REV3L: variants seen among roughly 807,000 people sequenced by gnomAD.
The protein encoded by REV3L is DNA polymerase zeta catalytic subunit.
Under a neutral mutation model 299.4 loss-of-function variants are expected in REV3L, and 69 were observed. The observed-to-expected ratio is 0.23, with a 90% confidence interval of 0.19 to 0.28. REV3L has a LOEUF of 0.28. Among genes scored for constraint, REV3L ranks in the 10% least tolerant of loss-of-function variants. The pLI, the probability that REV3L is intolerant of heterozygous loss-of-function variation, is 1.00. For synonymous variants in REV3L, 1,238 were observed against 1,271.4 expected (o/e 0.97, Z 0.56); for missense variants, 3,128 against 3,693.8 (o/e 0.85, Z 3.97).
intron 16 of REV3L, among the ~76,000 whole-genome samples, chr6:111,361,105 C>A (rs543006128): frequency 6.6e-6 from 1 of 151,826 alleles, no homozygotes; most frequent in Non-Finnish European, 1.5e-5. Context: ...CATATGAGGC[C>A]GGGCACGGTG....
intron 1 of REV3L, among the ~76,000 whole-genome samples, chr6:111,421,858 G>C (rs1241211380): frequency 1.3e-5 from 2 of 152,094 alleles, no homozygotes; most frequent in African/African-American, 4.8e-5. Flanking sequence ...AACATCTCAA[G>C]TTTTATATCA....
intron 26 of REV3L, among the ~76,000 whole-genome samples, chr6:111,317,657 T>G (rs559356419): frequency 6.6e-6 from 1 of 152,248 alleles, no homozygotes; most frequent in East Asian, 1.9e-4. Flanking sequence ...GTTATATAGG[T>G]TTTTTCCAAG....
Position 111,468,348 on chromosome 6 carries a change from A to C in REV3L, c.139+14402T>G, listed in dbSNP as rs1249872742. Among the ~76,000 whole-genome samples, 6 of 152,212 alleles carry C rather than the reference A, an allele frequency of 3.9e-5. No homozygotes were observed. In the East Asian group the frequency reaches 1.2e-3, roughly 29 times the overall value. The stretch of plus-strand genomic sequence containing the variant: ...TAAATAAAAAGTAATCTACCATAAG[A>C]ACTAACGGAGGAAAACATTTGGAAC... On this transcript the variant is annotated intron_variant, in intron 1 of 31. Coordinates refer to ENST00000368802, the MANE Select transcript of REV3L (RefSeq NM_001372078.1).
chr6:111,482,709 C>G (rs778563058), intron 1 of REV3L, 41 bp downstream of exon 1: 1 of 1,201,662 alleles, frequency 8.3e-7, no homozygotes, highest in South Asian at 3.4e-5. Context: ...CCCGGCGCCC[C>G]GCCGACTCCC....
Position 111,349,275 on chromosome 6 carries a change from A to T in REV3L, c.7362T>A (p.Ser2454Arg). 6.2e-7 allele frequency: 1 copy of T among 1,607,694 alleles called. No individual in the cohort carries two copies. Among genetic ancestry groups the T allele is most frequent in the Non-Finnish European group, 8.5e-7 (1 of 1,175,638 alleles). The change falls in exon 20 of 32, where the codon AGT becomes AGA. Residue 2454 changes from serine to arginine, a missense_variant. Ser to Arg is a moderately radical substitution (Grantham distance 110). Transcript: ENST00000368802. ...TAATTCGGCCAACAATATTTATCTCACTCATTGTATATGATCCATACTCAT... is the reference window on the plus strand; with the variant it reads ...TAATTCGGCCAACAATATTTATCTCTCTCATTGTATATGATCCATACTCAT... ...ERDEYGSYTMSEINIVGRITL... is the reference protein window; with the variant it reads ...ERDEYGSYTMREINIVGRITL...
chr6:111,328,036 T>TA (rs1367951891), intron 25 of REV3L, among the ~76,000 whole-genome samples: 2 of 152,198 alleles, frequency 1.3e-5, no homozygotes, highest in African/African-American at 4.8e-5. Flanking sequence ...TATAACAAGT[T>TA]ACTCTGTTCT....
chr6:111,376,410 T>C lies in REV3L; in HGVS notation c.1945A>G (p.Ile649Val). The change falls in exon 13 of 32, where the codon ATC (isoleucine) becomes GTC (valine). Residue 649 changes from isoleucine to valine, a missense_variant. This residue lies in a region of REV3L where 2,409 missense variants were observed against 2,611.8 expected (regional missense o/e 0.92). Coordinates refer to ENST00000368802, the MANE Select transcript of REV3L (RefSeq NM_001372078.1). Reference sequence around the variant, plus strand: ...CTTTCACAGGAAGATACTGGGAGGATCTCTTTCTTACTATTCTCTTTATGA... The same window carrying C: ...CTTTCACAGGAAGATACTGGGAGGACCTCTTTCTTACTATTCTCTTTATGA... ...NSHKENSKKE[I>V]LPVSSCESSI... 2 of 1,613,674 alleles carry C rather than the reference T, an allele frequency of 1.2e-6. No individual in the cohort carries two copies. The highest frequency in any genetic ancestry group is 1.7e-5 in the Admixed American group (1 of 59,992).
At chr6:111,474,358 CA>C (rs1189609796) in intron 1 of REV3L, among the ~76,000 whole-genome samples, 1 of 152,180 alleles carries the variant, frequency 6.6e-6, no homozygotes, top group Non-Finnish European at 1.5e-5. Flanking sequence ...CTTGTCCTCT[CA>C]TTGTAAGTGG....
intron 25 of REV3L, among the ~76,000 whole-genome samples, chr6:111,324,547 C>T (rs1774526704): frequency 6.6e-6 from 1 of 152,192 alleles, no homozygotes; most frequent in African/African-American, 2.4e-5. Flanking sequence ...TGTATACTTA[C>T]AAGTATATAC....
At chr6:111,472,591 A>C (rs982562845) in intron 1 of REV3L, among the ~76,000 whole-genome samples, 1 of 151,986 alleles carries the variant, frequency 6.6e-6, no homozygotes, top group Admixed American at 6.6e-5. Context: ...AAAAAAAAAA[A>C]CCACGAAATT....
chr6:111,369,213 C>T (rs1235543290), intron 13 of REV3L, among the ~76,000 whole-genome samples: 1 of 142,096 alleles, frequency 7.0e-6, no homozygotes, highest in Non-Finnish European at 1.5e-5. Context: ...ACCAGGGAGG[C>T]GGACCTTGCA....
chr6:111,374,829 T>C lies in REV3L; in HGVS notation c.3526A>G (p.Lys1176Glu), dbSNP rs987742572. 8.7e-6 allele frequency: 14 copies of C among 1,613,522 alleles called. No homozygotes were observed. The highest frequency in any genetic ancestry group is 5.3e-5 in the African/African-American group (4 of 74,884). The stretch of plus-strand genomic sequence containing the variant: ...GGATTAGCAAGCTTTGCTTTTGATT[T>C]CTTAATCTGTGCTCTTGCGCGACTA... ...KTSRARAQIK[K>E]SKAKLANPSI... Residue 1176 changes from lysine (K) to glutamate (E), a missense_variant, in exon 13 of 32, where the codon AAA becomes GAA. By Grantham distance (56) the Lys-to-Glu change is moderately conservative. Coordinates refer to ENST00000368802, the MANE Select transcript of REV3L (RefSeq NM_001372078.1).
intron 16 of REV3L, among the ~76,000 whole-genome samples, chr6:111,361,111 C>T (rs1778608765): frequency 1.3e-5 from 2 of 151,890 alleles, no homozygotes; most frequent in Admixed American, 1.3e-4. Context: ...AGGCCGGGCA[C>T]GGTGGCTTAT....
intron 30 of REV3L, chr6:111,308,146 T>A (rs1310524735): frequency 5.4e-6 from 2 of 370,188 alleles, no homozygotes; most frequent in Non-Finnish European, 1.1e-5. Flanking sequence ...TAGTATTCCA[T>A]GGTGTATATG....
In REV3L at chr6:111,376,852, A is replaced by G. The variant is rs374450251; in HGVS notation, c.1598-95T>C. ...AAGATATTAATGCTATCACTATGAA[A>G]AAATTACATCAAATTAAGTTTGGTT... On this transcript the variant is annotated intron_variant, in intron 12 of 31. Coordinates refer to ENST00000368802, the MANE Select transcript of REV3L (RefSeq NM_001372078.1). 2.3e-5 allele frequency: 23 copies of G among 985,362 alleles called. No homozygotes were observed. In the African/African-American group the frequency reaches 3.1e-4, roughly 13 times the overall value. The allele number at this position is 985,362 out of a possible 1,614,324, so 61.0% of individuals were successfully genotyped here.
intron 5 of REV3L, among the ~76,000 whole-genome samples, chr6:111,390,646 A>C (rs1781828943): frequency 6.6e-6 from 1 of 152,218 alleles, no homozygotes; most frequent in South Asian, 2.1e-4. Flanking sequence ...AACGATATTC[A>C]CCATTCTTCC....
intron 1 of REV3L, among the ~76,000 whole-genome samples, chr6:111,445,882 G>A (rs1172222777): frequency 6.6e-6 from 1 of 152,186 alleles, no homozygotes; most frequent in Non-Finnish European, 1.5e-5. Context: ...AGGTATGGGG[G>A]TTAGACAAAG....
intron 13 of REV3L, among the ~76,000 whole-genome samples, chr6:111,370,440 T>G (rs1024882086): frequency 1.3e-5 from 2 of 152,196 alleles, no homozygotes; most frequent in African/African-American, 4.8e-5. Context: ...TCACTTCAAG[T>G]CATTACAGGA....
At chr6:111,433,575 A>G (rs148223707) in intron 1 of REV3L, among the ~76,000 whole-genome samples, 2,060 of 152,300 alleles carry the variant, frequency 0.014, 21 homozygotes, top group Middle Eastern at 0.027. Flanking sequence ...GTCTCCCATC[A>G]AAGAAGAGCC....
Sources: allele counts gnomAD v4.1 joint callset (sites outside exome capture counted in the v4.1 genomes callset), GRCh38; gene constraint gnomAD v4.1.1; regional missense constraint gnomAD v4.1.1; transcripts MANE v1.5; gene names NCBI Gene and HGNC (gene_info 2026-07-23, HGNC 2026-07-21).